Variants in RANBP2 observed in about 807,000 individuals in gnomAD.
RANBP2 encodes E3 SUMO-protein ligase RanBP2.
A neutral mutation model predicts 303.6 loss-of-function variants in RANBP2; 57 were observed. That is an observed-to-expected ratio of 0.19 (90% CI 0.15 to 0.23). The LOEUF (loss-of-function observed/expected upper bound fraction) is 0.23. Ranked by LOEUF, RANBP2 falls within the 10% of genes least tolerant of loss-of-function variation. The probability of loss-of-function intolerance (pLI) is 1.00; values close to 1 mark genes in which losing one functional copy is unlikely to be tolerated. For missense variants in RANBP2, 3,138 were observed against 3,780.8 expected (o/e 0.83, Z 4.46); for synonymous variants, 1,167 against 1,301.5 (o/e 0.90, Z 2.23).
At chr2:109,357,787 T>C in the RANBP2 span, among the ~76,000 whole-genome samples, 1 of 152,206 alleles carries the variant, frequency 6.6e-6, no homozygotes, top group Non-Finnish European at 1.5e-5. Context: ...CCGTTGTAAG[T>C]TCACAGCAAA....
chr2:108,989,815 T>TA, the RANBP2 span, among the ~76,000 whole-genome samples: 1 of 150,914 alleles, frequency 6.6e-6, no homozygotes, highest in Non-Finnish European at 1.5e-5. Flanking sequence ...AGTAAATGAT[T>TA]GGGGGGGGGA....
chr2:109,036,682 G>A, the RANBP2 span, among the ~76,000 whole-genome samples: 1 of 152,080 alleles, frequency 6.6e-6, no homozygotes, highest in Non-Finnish European at 1.5e-5. Context: ...GGGGAGTGGT[G>A]GGGACAATCC....
rs770043149 is a variant in RANBP2 at position 108,767,136 on chromosome 2, A to G, written c.6597A>G (p.Ser2199=). 5 of 1,612,014 alleles carry G rather than the reference A, an allele frequency of 3.1e-6. No homozygotes were observed. The South Asian group carries it at 5.5e-5, about 18-fold the overall frequency. The part of the protein sequence containing the change: ...TKVTEEENKG[S]GTGAAGASDT... Reference sequence around the variant, plus strand: ...TCACTGAGGAAGAAAATAAGGGTTCAGGTACAGGTGCGGCCGGTGCCTCAG... The same window carrying G: ...TCACTGAGGAAGAAAATAAGGGTTCGGGTACAGGTGCGGCCGGTGCCTCAG... Residue 2199 remains serine, a synonymous_variant, in exon 20 of 29, where the codon TCA becomes TCG. Transcript: ENST00000283195.
the RANBP2 span, among the ~76,000 whole-genome samples, chr2:108,879,649 C>CTCAT: frequency 6.6e-6 from 1 of 151,736 alleles, no homozygotes; most frequent in Admixed American, 6.6e-5. Context: ...TTATTTAATC[C>CTCAT]TCATAATAAC....
At chr2:108,728,609 TGATGA>T (rs900392364) in intron 1 of RANBP2, among the ~76,000 whole-genome samples, 8 of 150,020 alleles carry the variant, frequency 5.3e-5, no homozygotes, top group African/African-American at 2.0e-4. Flanking sequence ...ATGATGATGA[TGATGA>T]TGATGATGAT....
At chr2:108,902,814 G>T in the RANBP2 span, among the ~76,000 whole-genome samples, 2 of 152,100 alleles carry the variant, frequency 1.3e-5, no homozygotes, top group Non-Finnish European at 2.9e-5. Flanking sequence ...GGTGAAAAAT[G>T]GAATGCTTTT....
the RANBP2 span, among the ~76,000 whole-genome samples, chr2:109,629,341 ATATATATATATATATTTTTTT>A: frequency 1.2e-4 from 1 of 8,206 alleles, no homozygotes; most frequent in African/African-American, 4.3e-4. Context: ...ATATATATAT[ATATATATATATATATTTTTTT>A]TTTTTTTTTC....
chr2:108,782,969 A>C (rs1275920712), intron 28 of RANBP2, 107 bp downstream of exon 28: 16 of 1,063,630 alleles, frequency 1.5e-5, no homozygotes, highest in Non-Finnish European at 2.3e-5. Context: ...TTTGTTAAAG[A>C]TTTCTTTAGG....
At chr2:108,970,259 G>C in the RANBP2 span, among the ~76,000 whole-genome samples, 5 of 152,168 alleles carry the variant, frequency 3.3e-5, no homozygotes, top group African/African-American at 1.2e-4. Context: ...GTACGCATTT[G>C]AGTTAAAGAA....
the RANBP2 span, among the ~76,000 whole-genome samples, chr2:109,150,240 G>A: frequency 0.7 from 106,459 of 151,898 alleles, 38,363 homozygotes; most frequent in African/African-American, 0.77. Flanking sequence ...GTGTTCCAGC[G>A]GAGGGAATGG....
chr2:109,246,825 A>G, the RANBP2 span, among the ~76,000 whole-genome samples: 1 of 152,180 alleles, frequency 6.6e-6, no homozygotes, highest in Non-Finnish European at 1.5e-5. Flanking sequence ...TAGCTCATCC[A>G]CGTGCTTCTG....
At chr2:109,341,926 C>T in the RANBP2 span, among the ~76,000 whole-genome samples, 9 of 152,260 alleles carry the variant, frequency 5.9e-5, 1 homozygote. Context: ...TTCTGACAGA[C>T]AAAAGAAGCA....
the RANBP2 span, among the ~76,000 whole-genome samples, chr2:109,146,993 A>C: frequency 6.8e-6 from 1 of 146,870 alleles, no homozygotes; most frequent in Non-Finnish European, 1.5e-5. Context: ...CTTCCCTGGG[A>C]CTCATCTCCC....
chr2:109,564,340 T>C, the RANBP2 span: 1 of 1,499,702 alleles, frequency 6.7e-7, no homozygotes, highest in Non-Finnish European at 8.9e-7. Context: ...TCCTCTTTGG[T>C]TGGCTTCCCA....
At chr2:109,155,184 C>T in the RANBP2 span, among the ~76,000 whole-genome samples, 1 of 152,204 alleles carries the variant, frequency 6.6e-6, no homozygotes. Flanking sequence ...CTACAACTTG[C>T]TATGCTGATG....
At chr2:109,160,330 CATGCTT>C in the RANBP2 span, among the ~76,000 whole-genome samples, 1 of 152,194 alleles carries the variant, frequency 6.6e-6, no homozygotes. Flanking sequence ...GGGTGCAGCC[CATGCTT>C]TGTTGGGTGA....
At chr2:108,968,173 G>A in the RANBP2 span, among the ~76,000 whole-genome samples, 1 of 152,142 alleles carries the variant, frequency 6.6e-6, no homozygotes, top group Non-Finnish European at 1.5e-5. Context: ...AGTGGAAACT[G>A]TCTCTTCTCA....
At chr2:109,625,327 C>T in the RANBP2 span, among the ~76,000 whole-genome samples, 3 of 151,936 alleles carry the variant, frequency 2.0e-5, no homozygotes, top group Admixed American at 1.3e-4. Context: ...AATTGTGATG[C>T]TGTCATACAA....
chr2:109,322,840 G>T, the RANBP2 span, among the ~76,000 whole-genome samples: 1 of 152,198 alleles, frequency 6.6e-6, no homozygotes, highest in Non-Finnish European at 1.5e-5. Context: ...CAGGATATGG[G>T]CAGACAGCTT....
Sources: allele counts gnomAD v4.1 joint callset (sites outside exome capture counted in the v4.1 genomes callset), GRCh38; gene constraint gnomAD v4.1.1; transcripts MANE v1.5; gene names NCBI Gene and HGNC (gene_info 2026-07-23, HGNC 2026-07-21).